CADPS2: variants seen among roughly 807,000 people sequenced by gnomAD.
CADPS2 encodes calcium-dependent secretion activator 2.
A neutral mutation model predicts 172.5 loss-of-function variants in CADPS2; 93 were observed. The observed-to-expected ratio is 0.54, with a 90% CI of 0.46 to 0.64. The LOEUF (loss-of-function observed/expected upper bound fraction) is 0.64, where lower values mean the gene tolerates loss of function less well. Among genes scored for constraint, CADPS2 ranks in the 30% least tolerant of loss-of-function variants. The pLI is 0.00. For missense variants in CADPS2, 1,420 were observed against 1,565.9 expected (o/e 0.91, Z 1.57); for synonymous variants, 546 against 555.2 (o/e 0.98, Z 0.23).
At position 122,474,537 on chromosome 7, in the gene CADPS2, T is replaced by A; in HGVS notation, c.1862-20A>T. ...CTGCATCTGTAAATTCAGGAAAGCATGTACAGTATATTTACTTTTCAGGCT... is the reference window on the plus strand; with the variant it reads ...CTGCATCTGTAAATTCAGGAAAGCAAGTACAGTATATTTACTTTTCAGGCT... On this transcript the variant is annotated intron_variant, in intron 12 of 29. Transcript: ENST00000449022. 1 of 1,607,714 alleles carries A rather than the reference T, an allele frequency of 6.2e-7. No homozygotes were observed. The highest frequency in any genetic ancestry group is 1.1e-5 in the South Asian group (1 of 90,508).
intron 29 of CADPS2, among the ~76,000 whole-genome samples, chr7:122,322,680 T>A (rs2032844087): frequency 6.6e-6 from 1 of 152,266 alleles, no homozygotes; most frequent in Non-Finnish European, 1.5e-5. Flanking sequence ...AAAATCATTC[T>A]AAGGTAAAAA....
At chr7:122,881,270 A>C (rs541970598) in intron 1 of CADPS2, among the ~76,000 whole-genome samples, 2 of 152,338 alleles carry the variant, frequency 1.3e-5, no homozygotes, top group African/African-American at 4.8e-5. Context: ...CAGTCATTAT[A>C]TATCAAAATC....
chr7:122,426,625 G>T (rs990599424), intron 17 of CADPS2, among the ~76,000 whole-genome samples: 12 of 152,178 alleles, frequency 7.9e-5, no homozygotes, highest in Non-Finnish European at 1.3e-4. Flanking sequence ...GTAGAAACCT[G>T]TCAGTTTTCA....
At chr7:122,549,186 C>T (rs2063941545) in intron 8 of CADPS2, among the ~76,000 whole-genome samples, 1 of 152,078 alleles carries the variant, frequency 6.6e-6, no homozygotes, top group Admixed American at 6.6e-5. Flanking sequence ...CGCTTGAGTG[C>T]AGTAGTTTGA....
At chr7:122,355,184 G>C (rs2039219929) in intron 27 of CADPS2, among the ~76,000 whole-genome samples, 1 of 152,146 alleles carries the variant, frequency 6.6e-6, no homozygotes, top group African/African-American at 2.4e-5. Context: ...AGGAATATCT[G>C]ACAAGTATGT....
At chr7:122,541,666 CAT>C (rs540607663) in intron 8 of CADPS2, among the ~76,000 whole-genome samples, 143 of 143,176 alleles carry the variant, frequency 1.0e-3, no homozygotes, top group African/African-American at 2.4e-3. Flanking sequence ...TTTATATATT[CAT>C]ATATGTTTAT....
At chr7:122,513,754 C>G (rs1300329625) in intron 8 of CADPS2, among the ~76,000 whole-genome samples, 1 of 152,172 alleles carries the variant, frequency 6.6e-6, no homozygotes, top group Non-Finnish European at 1.5e-5. Context: ...GGGTCACTGT[C>G]CAGCTGGGTG....
rs777383318 is a variant in CADPS2 at position 122,663,512 on chromosome 7, T to G, written c.511A>C (p.Asn171His). ...RMVQSGGCSA[N>H]DFREVFKKNI... ...TTCTTAAATACTTCTCTGAAGTCAT[T>G]AGCAGAACACCCTCCACTCTGTACC... Residue 171 changes from asparagine (N) to histidine (H), a missense_variant, in exon 3 of 30, where the codon AAT becomes CAT. Asn to His is a moderately conservative substitution (Grantham distance 68, BLOSUM62 1). Transcript: ENST00000449022. 1 of 1,609,300 alleles carries G rather than the reference T, an allele frequency of 6.2e-7. No homozygotes were observed. Among genetic ancestry groups the G allele is most frequent in the Non-Finnish European group, 8.5e-7 (1 of 1,177,280 alleles).
At chr7:122,520,012 C>T (rs1005034398) in intron 8 of CADPS2, among the ~76,000 whole-genome samples, 5 of 151,842 alleles carry the variant, frequency 3.3e-5, no homozygotes, top group African/African-American at 1.2e-4. Flanking sequence ...GTAAACATGT[C>T]AACATGATTC....
intron 27 of CADPS2, chr7:122,357,217 CA>C (rs1563139169): frequency 1.3e-5 from 2 of 152,088 alleles, no homozygotes; most frequent in Admixed American, 1.3e-4. Context: ...TGGCTCCTAC[CA>C]ACCACCATCC....
intron 3 of CADPS2, among the ~76,000 whole-genome samples, chr7:122,650,636 C>G (rs117213985): frequency 6.6e-6 from 1 of 152,100 alleles, no homozygotes; most frequent in Non-Finnish European, 1.5e-5. Context: ...TTAGCAGAAA[C>G]CTTATTTTAG....
chr7:122,422,910 G>A (rs1011369797), intron 17 of CADPS2, among the ~76,000 whole-genome samples: 1 of 152,104 alleles, frequency 6.6e-6, no homozygotes, highest in African/African-American at 2.4e-5. Flanking sequence ...AGTGAGCCGA[G>A]ATCGCGCCAC....
chr7:122,413,941 C>T, intron 19 of CADPS2, 127 bp downstream of exon 19: 6 of 749,008 alleles, frequency 8.0e-6, no homozygotes, highest in South Asian at 1.7e-5. Context: ...GAAAAACAGA[C>T]ATTCTGTAAT....
chr7:122,702,092 G>C, intron 2 of CADPS2: 2 of 1,613,562 alleles, frequency 1.2e-6, no homozygotes, highest in Non-Finnish European at 1.7e-6. Context: ...CCTGGTGAAA[G>C]AATTGGGCAC....
intron 5 of CADPS2, among the ~76,000 whole-genome samples, chr7:122,616,407 A>G (rs1389246411): frequency 6.6e-6 from 1 of 152,102 alleles, no homozygotes; most frequent in African/African-American, 2.4e-5. Flanking sequence ...AAAACAAACC[A>G]TCTTAAAAGT....
chr7:122,708,670 G>T (rs1318568443), intron 2 of CADPS2, among the ~76,000 whole-genome samples: 1 of 150,898 alleles, frequency 6.6e-6, no homozygotes, highest in East Asian at 2.0e-4. Flanking sequence ...CATTTAAATT[G>T]TAATGGGCAT....
At chr7:122,592,488 G>GTA (rs1198586185) in intron 6 of CADPS2, among the ~76,000 whole-genome samples, 2 of 152,050 alleles carry the variant, frequency 1.3e-5, no homozygotes, top group Non-Finnish European at 2.9e-5. Context: ...CCATTACTGG[G>GTA]TATATACCCA....
chr7:122,761,664 A>G (rs2093383038), intron 1 of CADPS2, among the ~76,000 whole-genome samples: 1 of 151,928 alleles, frequency 6.6e-6, no homozygotes, highest in Non-Finnish European at 1.5e-5. Context: ...TGAAGCACTA[A>G]AAACGTATTA....
intron 1 of CADPS2, among the ~76,000 whole-genome samples, chr7:122,853,074 A>G (rs990240502): frequency 1.5e-4 from 23 of 152,316 alleles, no homozygotes; most frequent in African/African-American, 5.5e-4. Context: ...GTTAAGGAAA[A>G]GGCCTTGGCC....
Sources: allele counts gnomAD v4.1 joint callset (sites outside exome capture counted in the v4.1 genomes callset), GRCh38; gene constraint gnomAD v4.1.1; transcripts MANE v1.5; gene names NCBI Gene and HGNC (gene_info 2026-07-23, HGNC 2026-07-21).